The following TAF4B variants were observed in gnomAD, a reference collection of about 807,000 sequenced individuals.
TAF4B encodes TATA-box binding protein associated factor 4b, also known as transcription initiation factor TFIID subunit 4B.
TAF4B carries 38 observed loss-of-function variants against 86.4 expected under a neutral mutation model. The observed-to-expected ratio is 0.44, with a 90% CI of 0.34 to 0.58. TAF4B has a LOEUF of 0.58. TAF4B is among the 20% of genes least tolerant of loss of function. The pLI is 0.02. For missense variants in TAF4B, 988 were observed against 1,027.6 expected (o/e 0.96, Z 0.53); for synonymous variants, 388 against 391.2 (o/e 0.99, Z 0.10).
chr18:26,305,995 A>G (rs899138633), intron 9 of TAF4B, among the ~76,000 whole-genome samples: 3 of 152,198 alleles, frequency 2.0e-5, no homozygotes, highest in African/African-American at 7.2e-5. Context: ...GTTGTAGGGA[A>G]CAGAAAAACT....
At chr18:26,257,842 C>CGTGCGTGT (rs1555673524) in intron 1 of TAF4B, among the ~76,000 whole-genome samples, 8 of 141,436 alleles carry the variant, frequency 5.7e-5, no homozygotes, top group Non-Finnish European at 7.7e-5. Flanking sequence ...CCTCTGCGTG[C>CGTGCGTGT]GTGTGTGTGT....
chr18:26,274,180 T>G (rs1339655186), intron 3 of TAF4B, among the ~76,000 whole-genome samples: 1 of 152,180 alleles, frequency 6.6e-6, no homozygotes, highest in African/African-American at 2.4e-5. Context: ...CATGCTTACT[T>G]TAATGGTCTA....
chr18:26,276,220 A>T (rs2144569507), intron 5 of TAF4B, among the ~76,000 whole-genome samples: 1 of 152,154 alleles, frequency 6.6e-6, no homozygotes, highest in East Asian at 1.9e-4. Context: ...AAACATGATG[A>T]TCGTTGATGT....
intron 1 of TAF4B, among the ~76,000 whole-genome samples, chr18:26,254,879 G>C (rs1291555603): frequency 6.6e-6 from 1 of 152,034 alleles, no homozygotes; most frequent in African/African-American, 2.4e-5. Flanking sequence ...CTCCTCCAAG[G>C]GATTTGCAAC....
At chr18:26,242,634 A>T (rs1248648461) in intron 1 of TAF4B, among the ~76,000 whole-genome samples, 5 of 151,994 alleles carry the variant, frequency 3.3e-5, no homozygotes, top group South Asian at 4.1e-4. Flanking sequence ...ATTATGATGT[A>T]AGCTGGTTAT....
At chr18:26,331,561 C>A (rs1443179365) in intron 12 of TAF4B, among the ~76,000 whole-genome samples, 10 of 152,140 alleles carry the variant, frequency 6.6e-5, no homozygotes, top group African/African-American at 2.4e-4. Context: ...CCTCTAAATA[C>A]CTTTTACTCT....
At chr18:26,367,205 G>A (rs2057377978) in intron 14 of TAF4B, among the ~76,000 whole-genome samples, 1 of 152,214 alleles carries the variant, frequency 6.6e-6, no homozygotes, top group African/African-American at 2.4e-5. Context: ...AGAATTGGCT[G>A]ACATGATTAT....
intron 14 of TAF4B, among the ~76,000 whole-genome samples, chr18:26,371,653 G>A (rs1200721257): frequency 2.0e-5 from 3 of 152,166 alleles, no homozygotes; most frequent in Admixed American, 1.3e-4. Context: ...TCCCTAGAAC[G>A]GAAATAGATG....
At chr18:26,346,972 G>A in intron 13 of TAF4B, among the ~76,000 whole-genome samples, 1 of 141,878 alleles carries the variant, frequency 7.0e-6, no homozygotes, top group Non-Finnish European at 1.5e-5. Flanking sequence ...CCAGGCTGGA[G>A]TGCAGTGGCA....
At chr18:26,274,329 T>C (rs2056356492) in intron 3 of TAF4B, among the ~76,000 whole-genome samples, 2 of 152,202 alleles carry the variant, frequency 1.3e-5, no homozygotes, top group South Asian at 2.1e-4. Context: ...TGAGGACTTA[T>C]TTGCTTTAGC....
chr18:26,322,795 T>C (rs1341963219), intron 11 of TAF4B, among the ~76,000 whole-genome samples: 1 of 152,088 alleles, frequency 6.6e-6, no homozygotes, highest in African/African-American at 2.4e-5. Context: ...TAGTTTGCTC[T>C]TCTTTTTTTT....
intron 13 of TAF4B, among the ~76,000 whole-genome samples, chr18:26,341,099 A>T (rs1455079140): frequency 2.4e-5 from 2 of 84,438 alleles, no homozygotes; most frequent in East Asian, 2.4e-4. Flanking sequence ...ATGCCTGTTT[A>T]AAAAAAAAAT....
chr18:26,300,971 A>C (rs2056725544), intron 9 of TAF4B, among the ~76,000 whole-genome samples: 1 of 152,082 alleles, frequency 6.6e-6, no homozygotes, highest in South Asian at 2.1e-4. Context: ...TAGGGAGTGC[A>C]TAGACTAGGG....
chr18:26,315,193 AAC>A (rs2056899206), intron 9 of TAF4B, 34 bp from the exon 10 acceptor site: 6 of 1,393,372 alleles, frequency 4.3e-6, no homozygotes, highest in East Asian at 2.5e-5. Flanking sequence ...ACACACACAC[AAC>A]CTAAAATGTA....
intron 11 of TAF4B, among the ~76,000 whole-genome samples, chr18:26,324,237 C>A (rs1174220802): frequency 6.6e-6 from 1 of 152,134 alleles, no homozygotes; most frequent in Non-Finnish European, 1.5e-5. Flanking sequence ...CTTAGATTCT[C>A]CCTACTTCTG....
intron 10 of TAF4B, among the ~76,000 whole-genome samples, chr18:26,318,600 T>G (rs1240405648): frequency 1.3e-5 from 2 of 152,222 alleles, no homozygotes; most frequent in African/African-American, 4.8e-5. Context: ...TAAATTAAAT[T>G]GCACGTTCAG....
chr18:26,352,216 G>A lies in TAF4B; in HGVS notation c.2317-5474G>A, dbSNP rs1228607446. Among the ~76,000 whole-genome samples, 3 of 151,868 alleles carry A rather than the reference G, an allele frequency of 2.0e-5. No individual in the cohort carries two copies. The East Asian group carries it at 5.8e-4, about 29-fold the overall frequency. ...AATGATTCAAATATACCATTTCAAA[G>A]ATAGAGACTCTCAGGATGGATTAAA... On this transcript the variant is annotated intron_variant, in intron 13 of 14. Coordinates refer to ENST00000269142, the MANE Select transcript of TAF4B (RefSeq NM_005640.3).
At chr18:26,324,743 A>G (rs1289169103) in intron 11 of TAF4B, among the ~76,000 whole-genome samples, 1 of 152,238 alleles carries the variant, frequency 6.6e-6, no homozygotes, top group African/African-American at 2.4e-5. Flanking sequence ...TTGTTAATAC[A>G]GCTAATGCCA....
chr18:26,324,820 C>T (rs2056991602), intron 11 of TAF4B, among the ~76,000 whole-genome samples: 1 of 152,126 alleles, frequency 6.6e-6, no homozygotes, highest in Admixed American at 6.5e-5. Flanking sequence ...AAATAATTAT[C>T]ATTTGGTTAT....
Sources: gnomAD v4.1 joint callset for allele counts (sites outside exome capture counted in the v4.1 genomes callset) on GRCh38, gnomAD v4.1.1 for gene constraint, MANE v1.5 for transcripts, NCBI Gene and HGNC (gene_info 2026-07-23, HGNC 2026-07-21) for gene names.